The following ZC3H13 variants were observed in gnomAD, a reference collection of about 807,000 sequenced individuals.
The protein encoded by ZC3H13 is zinc finger CCCH-type containing 13.
A neutral mutation model predicts 204.1 loss-of-function variants in ZC3H13; 64 were observed. The observed-to-expected ratio is 0.31, with a 90% CI of 0.26 to 0.39. ZC3H13 has a LOEUF of 0.39. Among genes scored for constraint, ZC3H13 ranks in the 10% least tolerant of loss-of-function variants. The pLI is 1.00. For synonymous variants in ZC3H13, 667 were observed against 693.7 expected, an observed-to-expected ratio of 0.96 and a Z score of 0.60; for missense variants, 1,833 against 2,082.7, an observed-to-expected ratio of 0.88 and a Z score of 2.33.
rs757231764 is a variant in ZC3H13 at position 45,969,493 on chromosome 13, A to G, written c.3051T>C (p.Ser1017=). The change falls in exon 14 of 19, where the codon TCT becomes TCC. Residue 1017 remains serine (S), a synonymous_variant. Transcript: ENST00000679008. Reference sequence around the variant, plus strand: ...TACTTTGCTGGGCTGCTTCTTCATCAGAAATATCAGAATCACCTTTGGATT... The same window carrying G: ...TACTTTGCTGGGCTGCTTCTTCATCGGAAATATCAGAATCACCTTTGGATT... ...RKKSKGDSDI[S]DEEAAQQSKK... 1.2e-6 allele frequency: 2 copies of G among 1,608,174 alleles called. No homozygotes were observed. Among genetic ancestry groups the G allele is most frequent in the East Asian group, 2.2e-5 (1 of 44,838 alleles).
intron 4 of ZC3H13, among the ~76,000 whole-genome samples, chr13:46,036,434 C>T (rs2043214670): frequency 6.6e-6 from 1 of 151,926 alleles, no homozygotes; most frequent in Non-Finnish European, 1.5e-5. Context: ...CAAGTCTAAA[C>T]AAATGATCTG....
rs1222984999 is a variant in ZC3H13, at chr13:45,982,462, G to C, written c.1721-2458C>G. On this transcript the variant is annotated intron_variant, in intron 10 of 18. Coordinates refer to ENST00000679008, the MANE Select transcript of ZC3H13 (RefSeq NM_001330564.2). ...TAAGAATGAAAGAAGATACAATGAG[G>C]AGATTTAATCTGTCTAAAACTATAT... Among the ~76,000 whole-genome samples the C allele has an allele frequency of 4.0e-5, 6 of 151,490 alleles. No individual in the cohort carries two copies. The East Asian group carries it at 1.2e-3, about 29-fold the overall frequency.
At chr13:45,987,728 T>G (rs144747540) in intron 9 of ZC3H13, among the ~76,000 whole-genome samples, 267 of 152,318 alleles carry the variant, frequency 1.8e-3, no homozygotes, top group African/African-American at 6.2e-3. Context: ...AAGAGGCGCT[T>G]AAAGTGCATA....
chr13:45,994,353 G>A (rs192661345), intron 8 of ZC3H13, among the ~76,000 whole-genome samples: 2 of 152,264 alleles, frequency 1.3e-5, no homozygotes, highest in African/African-American at 4.8e-5. Flanking sequence ...ACTGCACAGG[G>A]GTTGACCCCC....
intron 12 of ZC3H13, among the ~76,000 whole-genome samples, chr13:45,972,348 C>A (rs540804845): frequency 1.4e-4 from 22 of 152,190 alleles, no homozygotes; most frequent in African/African-American, 4.8e-4. Context: ...AAAATAATGT[C>A]TTTTGCAGCA....
At chr13:46,047,714 G>A (rs1320459239) in intron 1 of ZC3H13, among the ~76,000 whole-genome samples, 1 of 80,518 alleles carries the variant, frequency 1.2e-5, no homozygotes, top group Non-Finnish European at 3.3e-5. Flanking sequence ...ATAAGTAAAT[G>A]TATCACAATG....
intron 4 of ZC3H13, among the ~76,000 whole-genome samples, chr13:46,039,947 A>G (rs1593800823): frequency 6.6e-6 from 1 of 152,260 alleles, no homozygotes; most frequent in South Asian, 2.1e-4. Context: ...TTTTCAGAGT[A>G]GCGGTACATT....
At chr13:46,008,251 A>C (rs1164343168) in intron 7 of ZC3H13, among the ~76,000 whole-genome samples, 1 of 151,946 alleles carries the variant, frequency 6.6e-6, no homozygotes, top group Admixed American at 6.6e-5. Flanking sequence ...AGTATGATCC[A>C]GCAATAAAAT....
chr13:46,032,977 T>A (rs1204236624), intron 4 of ZC3H13, among the ~76,000 whole-genome samples: 1 of 150,330 alleles, frequency 6.7e-6, no homozygotes. Flanking sequence ...TGCATATATA[T>A]GTAAATATTA....
chr13:45,973,133 GATGTGTTATAT>G (rs937915335), intron 12 of ZC3H13, among the ~76,000 whole-genome samples: 4 of 152,210 alleles, frequency 2.6e-5, no homozygotes, highest in African/African-American at 7.2e-5. Context: ...CTTATGTGGT[GATGTGTTATAT>G]ATCAAGAGAT....
chr13:45,989,522 T>C (rs1306950301), intron 8 of ZC3H13, among the ~76,000 whole-genome samples: 1 of 152,208 alleles, frequency 6.6e-6, no homozygotes, highest in Admixed American at 6.5e-5. Flanking sequence ...AATTCATGGC[T>C]ATGGTAAAAG....
chr13:46,041,510 A>G (rs138335339), intron 4 of ZC3H13, among the ~76,000 whole-genome samples: 5 of 152,248 alleles, frequency 3.3e-5, no homozygotes, highest in Non-Finnish European at 7.4e-5. Flanking sequence ...TCACAACTCT[A>G]ATAATACTAA....
chr13:45,990,372 T>A (rs575183190), intron 8 of ZC3H13, among the ~76,000 whole-genome samples: 2 of 152,332 alleles, frequency 1.3e-5, no homozygotes, highest in East Asian at 3.9e-4. Flanking sequence ...ATCTATAAAC[T>A]ATGTTACTAA....
intron 4 of ZC3H13, among the ~76,000 whole-genome samples, chr13:46,036,282 T>C (rs1405440280): frequency 6.6e-6 from 1 of 152,212 alleles, no homozygotes; most frequent in African/African-American, 2.4e-5. Context: ...GTAAACTTCA[T>C]ACTAGAAATA....
In ZC3H13 at chr13:46,006,382, T is replaced by A. The variant is rs1176019192; in HGVS notation, c.747-3046A>T. Among the ~76,000 whole-genome samples, 5 of 151,978 alleles carry A rather than the reference T, an allele frequency of 3.3e-5. No homozygotes were observed. The East Asian group carries it at 9.7e-4, about 29-fold the overall frequency. The stretch of plus-strand genomic sequence containing the variant: ...AAAATAAAATAAAATAAAATAAAAA[T>A]ATAGTTGTTCACAGTTTTTTTCCCA... On this transcript the variant is annotated intron_variant, in intron 7 of 18. Coordinates refer to ENST00000679008, the MANE Select transcript of ZC3H13 (RefSeq NM_001330564.2).
In ZC3H13 at chr13:46,049,438, A is replaced by C. The variant is rs115439676; in HGVS notation, c.-10+2966T>G. On this transcript the variant is annotated intron_variant, in intron 1 of 18. Coordinates refer to ENST00000679008, the MANE Select transcript of ZC3H13 (RefSeq NM_001330564.2). ...AAAAAATTCTTCTGATCATCCATGT[A>C]AAAACTTCCACAAGTAGTCAACAAT... Among the ~76,000 whole-genome samples the C allele has an allele frequency of 4.5e-3, 680 of 152,330 alleles. 5 individuals are homozygous for C. Among genetic ancestry groups the C allele is most frequent in the African/African-American group, 0.016 (647 of 41,580 alleles).
intron 7 of ZC3H13, 182 bp downstream of exon 7, chr13:46,010,166 G>A: frequency 2.0e-6 from 1 of 511,108 alleles, no homozygotes; most frequent in Non-Finnish European, 3.1e-6. Flanking sequence ...TTACACAGAT[G>A]TTTGTTTTAT....
chr13:45,985,460 C>A lies in ZC3H13; in HGVS notation c.1557G>T (p.Glu519Asp). The change falls in exon 10 of 19, where the codon GAG becomes GAT. Residue 519 changes from glutamate (E) to aspartate (D), a missense_variant. Transcript: ENST00000679008. ...TCCGGGATTCTTCTGGATATGTATC[C>A]TCCTTTCGATGAGTATCTCGACCTT... Reference protein sequence around the residue: ...DREGRDTHRKEDTYPEESRSY... With the variant: ...DREGRDTHRKDDTYPEESRSY... 6.2e-7 allele frequency: 1 copy of A among 1,614,208 alleles called. No individual in the cohort carries two copies. Among genetic ancestry groups the A allele is most frequent in the South Asian group, 1.1e-5 (1 of 91,084 alleles).
chr13:46,041,402 G>T (rs1276318393), intron 4 of ZC3H13, among the ~76,000 whole-genome samples: 2 of 152,074 alleles, frequency 1.3e-5, no homozygotes, highest in Non-Finnish European at 2.9e-5. Flanking sequence ...GGATTTAGTG[G>T]TTGCCTAGGG....
Sources: allele counts gnomAD v4.1 joint callset (sites outside exome capture counted in the v4.1 genomes callset), GRCh38; gene constraint gnomAD v4.1.1; transcripts MANE v1.5; gene names NCBI Gene and HGNC (gene_info 2026-07-23, HGNC 2026-07-21).